NTM: variants seen among roughly 807,000 people sequenced by gnomAD.
NTM encodes neurotrimin.
In NTM, 13 loss-of-function variants were observed where a neutral mutation model predicts 42.1. That is an observed-to-expected ratio of 0.31 (90% confidence interval 0.20 to 0.49). NTM has a LOEUF of 0.49. Ranked by LOEUF, NTM falls within the 20% of genes least tolerant of loss-of-function variation. NTM has a pLI of 0.99. For missense variants in NTM, 373 were observed against 452.8 expected, an observed-to-expected ratio of 0.82 and a Z score of 1.60; for synonymous variants, 187 against 179.2, an observed-to-expected ratio of 1.04 and a Z score of -0.35.
intron 2 of NTM, among the ~76,000 whole-genome samples, chr11:132,050,798 G>A (rs11222887): frequency 0.028 from 4,287 of 152,294 alleles, 102 homozygotes; most frequent in South Asian, 0.12. Context: ...AGGCAGAGGC[G>A]GAGCTTGCAG....
At chr11:131,858,194 A>G (rs1365525285) in intron 1 of NTM, among the ~76,000 whole-genome samples, 1 of 151,854 alleles carries the variant, frequency 6.6e-6, no homozygotes, top group African/African-American at 2.4e-5. Flanking sequence ...TCTTTTCTTC[A>G]TGCTATACTT....
At chr11:131,936,844 C>T (rs575919796) in intron 2 of NTM, among the ~76,000 whole-genome samples, 34 of 152,286 alleles carry the variant, frequency 2.2e-4, no homozygotes, top group African/African-American at 7.7e-4. Context: ...TCAGGCACTG[C>T]TCCAAGTGCT....
intron 4 of NTM, among the ~76,000 whole-genome samples, chr11:132,273,090 G>A (rs985115545): frequency 2.6e-5 from 4 of 151,894 alleles, no homozygotes; most frequent in African/African-American, 9.7e-5. Flanking sequence ...TTCCTAGTTT[G>A]TTGTGTGTTT....
intron 1 of NTM, among the ~76,000 whole-genome samples, chr11:131,728,550 G>T (rs764458840): frequency 2.0e-5 from 3 of 152,110 alleles, no homozygotes; most frequent in Non-Finnish European, 4.4e-5. Context: ...TTTTGTGGAG[G>T]CTTCATTACA....
Position 131,965,022 on chromosome 11 carries a change from G to C in NTM, c.167+53374G>C, listed in dbSNP as rs1378050118. ...TGATGATCAAGAGGAGAGGATGGGA[G>C]GATTACGCTGGAACCTGGGGAAGAA... On this transcript the variant is annotated intron_variant, in intron 2 of 8. Transcript: ENST00000683400. Among the ~76,000 whole-genome samples the C allele has an allele frequency of 2.0e-5, 3 of 152,204 alleles. No homozygotes were observed. The South Asian group carries it at 6.2e-4, about 32-fold the overall frequency.
intron 2 of NTM, among the ~76,000 whole-genome samples, chr11:131,917,008 T>C (rs1247952020): frequency 6.6e-6 from 1 of 152,204 alleles, no homozygotes; most frequent in Non-Finnish European, 1.5e-5. Flanking sequence ...AATAATCCTC[T>C]ACCACTACCA....
chr11:131,565,130 G>T (rs1348099604), intron 1 of NTM, among the ~76,000 whole-genome samples: 1 of 152,132 alleles, frequency 6.6e-6, no homozygotes, highest in Non-Finnish European at 1.5e-5. Context: ...CATGTTGGTG[G>T]TCTGCTCACC....
chr11:131,658,632 A>G (rs1312667444), intron 1 of NTM, among the ~76,000 whole-genome samples: 1 of 152,222 alleles, frequency 6.6e-6, no homozygotes, highest in African/African-American at 2.4e-5. Flanking sequence ...AAACTTGCCC[A>G]GATGCAAAGC....
At chr11:132,201,468 G>C (rs888717744) in intron 3 of NTM, among the ~76,000 whole-genome samples, 13 of 152,216 alleles carry the variant, frequency 8.5e-5, no homozygotes, top group African/African-American at 1.7e-4. Flanking sequence ...GCTTAACGAG[G>C]CCTTGCGGTT....
At chr11:132,035,217 T>G (rs1188595975) in intron 2 of NTM, among the ~76,000 whole-genome samples, 3 of 152,164 alleles carry the variant, frequency 2.0e-5, no homozygotes, top group Admixed American at 1.3e-4. Flanking sequence ...CCAGAGTGAG[T>G]CCCCTCTTTT....
chr11:131,418,313 G>A (rs10894389), intron 1 of NTM, among the ~76,000 whole-genome samples: 9,574 of 152,262 alleles, frequency 0.063, 1,510 homozygotes, highest in East Asian at 0.62. Flanking sequence ...CAAAGGCAGC[G>A]TTTTGCATGG....
At chr11:132,217,518 C>T (rs570710700) in intron 4 of NTM, among the ~76,000 whole-genome samples, 2 of 151,806 alleles carry the variant, frequency 1.3e-5, no homozygotes, top group East Asian at 1.9e-4. Flanking sequence ...AGAGATCTTC[C>T]CTAGGGTGAT....
intron 1 of NTM, among the ~76,000 whole-genome samples, chr11:131,830,780 A>C (rs1020896745): frequency 6.6e-6 from 1 of 152,232 alleles, no homozygotes; most frequent in African/African-American, 2.4e-5. Context: ...TTTTAACAAT[A>C]TCGATTCTTC....
intron 1 of NTM, among the ~76,000 whole-genome samples, chr11:131,626,880 A>C (rs2063155942): frequency 6.6e-6 from 1 of 152,096 alleles, no homozygotes. Context: ...TTGTTCCCCG[A>C]ATTGCTTCCT....
intron 1 of NTM, among the ~76,000 whole-genome samples, chr11:131,809,350 T>C (rs2092643994): frequency 6.6e-6 from 1 of 152,202 alleles, no homozygotes; most frequent in African/African-American, 2.4e-5. Flanking sequence ...CTGTGTCTGA[T>C]TCACCTTTTC....
At chr11:131,738,509 G>T (rs574319492) in intron 1 of NTM, among the ~76,000 whole-genome samples, 3 of 152,136 alleles carry the variant, frequency 2.0e-5, no homozygotes, top group African/African-American at 7.2e-5. Flanking sequence ...AAAATTTTCC[G>T]GAGTCATGAA....
At chr11:132,185,803 G>A (rs1461674455) in intron 3 of NTM, among the ~76,000 whole-genome samples, 1 of 152,172 alleles carries the variant, frequency 6.6e-6, no homozygotes, top group Non-Finnish European at 1.5e-5. Flanking sequence ...GATGGAGTAG[G>A]AAGGGGGCTG....
chr11:131,616,139 A>G (rs1255206659), intron 1 of NTM, among the ~76,000 whole-genome samples: 2 of 152,180 alleles, frequency 1.3e-5, no homozygotes, highest in African/African-American at 4.8e-5. Flanking sequence ...GAGGTAGCAA[A>G]TCATCTACAA....
intron 2 of NTM, among the ~76,000 whole-genome samples, chr11:132,110,886 A>T (rs562399972): frequency 4.0e-4 from 61 of 151,322 alleles, no homozygotes; most frequent in Non-Finnish European, 6.3e-4. Context: ...AATAAAATTT[A>T]AAAAATTTTA....
Sources: gnomAD v4.1 joint callset for allele counts (sites outside exome capture counted in the v4.1 genomes callset) on GRCh38, gnomAD v4.1.1 for gene constraint, MANE v1.5 for transcripts, NCBI Gene and HGNC (gene_info 2026-07-23, HGNC 2026-07-21) for gene names.